KPNA7: variants seen among roughly 807,000 people sequenced by gnomAD.
KPNA7 encodes importin subunit alpha-8.
A neutral mutation model predicts 53.7 loss-of-function variants in KPNA7; 54 were observed. The ratio of observed to expected loss-of-function variants is 1.01; its 90% confidence interval spans 0.81 to 1.26. The LOEUF (loss-of-function observed/expected upper bound fraction) is 1.26, where lower values mean the gene tolerates loss of function less well. Ranked by LOEUF, KPNA7 falls within the 50% of genes most tolerant of loss-of-function variation. The pLI, the probability that KPNA7 is intolerant of heterozygous loss-of-function variation, is 0.00. For synonymous variants in KPNA7, 276 were observed against 259.3 expected (o/e 1.06, Z -0.62); for missense variants, 640 against 644.5 (o/e 0.99, Z 0.07).
downstream of KPNA7, among the ~76,000 whole-genome samples, chr7:99,169,758 G>A (rs1316551107): frequency 1.3e-5 from 2 of 148,806 alleles, no homozygotes; most frequent in Admixed American, 1.3e-4. Flanking sequence ...CTGCAGCTCT[G>A]GGCCAGGCGC....
chr7:99,151,099 T>C, the KPNA7 span, among the ~76,000 whole-genome samples: 1 of 152,150 alleles, frequency 6.6e-6, no homozygotes, highest in African/African-American at 2.4e-5. Flanking sequence ...GCTAGGTAAT[T>C]ATTAGTTACT....
the KPNA7 span, among the ~76,000 whole-genome samples, chr7:99,163,544 A>G: frequency 6.6e-6 from 1 of 150,386 alleles, no homozygotes; most frequent in Non-Finnish European, 1.5e-5. Context: ...CCTCACTACC[A>G]TGCCCAGCTA....
Position 99,188,501 on chromosome 7 carries a change from G to T in KPNA7, c.699C>A (p.Tyr233Ter), listed in dbSNP as rs1305598939. Residue 233 changes from tyrosine to a stop codon, truncating the protein, a stop_gained, in exon 7 of 11, where the codon TAC (tyrosine) becomes TAA (stop). Transcript: ENST00000327442. LOFTEE classifies it high-confidence loss of function. ...LSNLCRNKNPYPCDTAVKQIL... is the reference protein window; with the variant it reads ...LSNLCRNKNP ...TCTGCTTCACCGCAGTGTCGCAAGG[G>T]TATGGGTTCTTGTTTCGGCACAGAT... 5 of 1,551,618 alleles carry T rather than the reference G, an allele frequency of 3.2e-6. No individual in the cohort carries two copies. The highest frequency in any genetic ancestry group is 1.4e-5 in the African/African-American group (1 of 73,030).
the KPNA7 span, among the ~76,000 whole-genome samples, chr7:99,161,119 C>T: frequency 1.3e-5 from 2 of 152,210 alleles, no homozygotes; most frequent in Non-Finnish European, 2.9e-5. Context: ...ACCTCAGCCT[C>T]TCAAAGTTCT....
chr7:99,204,148 G>C (rs1194175331), intron 2 of KPNA7, among the ~76,000 whole-genome samples: 1 of 152,134 alleles, frequency 6.6e-6, no homozygotes, highest in Non-Finnish European at 1.5e-5. Context: ...GGGAGGTCAA[G>C]GTGGGAGGAT....
rs368432520 is a variant in KPNA7, at chr7:99,173,825, C to A, written c.1465-31G>T. 35 of 1,301,358 alleles carry A rather than the reference C, an allele frequency of 2.7e-5. No individual in the cohort carries two copies. The African/African-American group carries it at 4.6e-4, about 17-fold the overall frequency. 80.6% of individuals were successfully genotyped at this position (1,301,358 alleles called of 1,614,324 possible). A position where few individuals can be genotyped will look rare whatever the true frequency, so the allele number is the denominator to read the frequency against. ...GGAGAGAATAGACACTGTTATACCT[C>A]CAGGATTCTCAGCACATTATCACTG... On this transcript the variant is annotated intron_variant, in intron 10 of 10. Transcript: ENST00000327442.
chr7:99,171,421 G>A (rs117193754), downstream of KPNA7, among the ~76,000 whole-genome samples: 48 of 87,268 alleles, frequency 5.5e-4, no homozygotes, highest in East Asian at 1.0e-2. Context: ...CCTGTTTCCT[G>A]GATCCCATGC....
chr7:99,195,105 C>T lies in KPNA7; in HGVS notation c.518G>A (p.Cys173Tyr), dbSNP rs1398296228. The T allele has an allele frequency of 6.4e-7, 1 of 1,551,670 alleles. No individual in the cohort carries two copies. The highest frequency in any genetic ancestry group is 1.2e-5 in the South Asian group (1 of 84,058). ...ELLSSSNVAV[C>Y]EQAVWALGNI... Reference sequence around the variant, plus strand: ...ACCAAGAGCCCACACTGCCTGTTCACACACAGCCACGTTGGAGGAAGACAG... The same window carrying T: ...ACCAAGAGCCCACACTGCCTGTTCATACACAGCCACGTTGGAGGAAGACAG... Residue 173 changes from cysteine to tyrosine, a missense_variant, in exon 5 of 11, where the codon TGT (cysteine) becomes TAT (tyrosine). By Grantham distance (194) the Cys-to-Tyr change is radical (BLOSUM62 -2). Coordinates refer to ENST00000327442, the MANE Select transcript of KPNA7 (RefSeq NM_001145715.3).
chr7:99,150,164 T>C, the KPNA7 span, among the ~76,000 whole-genome samples: 1 of 151,298 alleles, frequency 6.6e-6, no homozygotes, highest in Admixed American at 6.6e-5. Context: ...GGTGCAATCA[T>C]AGTTCAGGGA....
chr7:99,189,645 A>AGGGT (rs1402644629), intron 6 of KPNA7, among the ~76,000 whole-genome samples: 1 of 152,162 alleles, frequency 6.6e-6, no homozygotes, highest in Non-Finnish European at 1.5e-5. Context: ...TTGTTGAGAC[A>AGGGT]GGGTCTCACT....
intron 2 of KPNA7, among the ~76,000 whole-genome samples, chr7:99,206,381 C>T (rs997442412): frequency 1.3e-5 from 2 of 151,998 alleles, no homozygotes; most frequent in Admixed American, 6.6e-5. Flanking sequence ...AGGCTGGTCT[C>T]GAACTCCTGA....
At chr7:99,166,368 T>C in the KPNA7 span, among the ~76,000 whole-genome samples, 1 of 152,164 alleles carries the variant, frequency 6.6e-6, no homozygotes. Flanking sequence ...CAGGCTGCAG[T>C]GCAGTGACGT....
intron 1 of KPNA7, among the ~76,000 whole-genome samples, chr7:99,213,456 A>AAAAAAAAG (rs1472872318): frequency 4.0e-5 from 5 of 126,168 alleles, no homozygotes; most frequent in African/African-American, 1.6e-4. Flanking sequence ...AAAAAAAAAA[A>AAAAAAAAG]AGAGAGAGAG....
intron 6 of KPNA7, among the ~76,000 whole-genome samples, chr7:99,189,254 C>A (rs949088135): frequency 6.6e-6 from 1 of 152,160 alleles, no homozygotes; most frequent in Non-Finnish European, 1.5e-5. Flanking sequence ...AGTCTTCCTA[C>A]TCTGCCTCTG....
Position 99,195,354 on chromosome 7 carries a change from G to A in KPNA7, c.285-16C>T. 6.5e-7 allele frequency: 1 copy of A among 1,548,320 alleles called. No individual in the cohort carries two copies. On this transcript the variant is annotated splice_polypyrimidine_tract_variant and intron_variant, in intron 4 of 10. Coordinates refer to ENST00000327442, the MANE Select transcript of KPNA7 (RefSeq NM_001145715.3). ...TAGCATTTTCCTATGCAATGAAAGA[G>A]AGGGCAGGGGAGGGGGAGGTCAAGT... is the stretch of plus-strand genomic sequence containing the variant.
At chr7:99,215,069 A>T (rs77966628) in intron 1 of KPNA7, among the ~76,000 whole-genome samples, 9,277 of 151,948 alleles carry the variant, frequency 0.061, 320 homozygotes, top group South Asian at 0.16. Context: ...TTCTGCCACA[A>T]CCTGGAAGCC....
At chr7:99,211,870 G>A (rs887683921), upstream of KPNA7, among the ~76,000 whole-genome samples, 5 of 152,138 alleles carry the variant, frequency 3.3e-5, no homozygotes, top group African/African-American at 1.2e-4. Flanking sequence ...TCCTGGAATT[G>A]ACCAATCTCT....
the KPNA7 span, among the ~76,000 whole-genome samples, chr7:99,163,490 G>A: frequency 1.4e-5 from 2 of 142,222 alleles, no homozygotes; most frequent in South Asian, 2.3e-4. Flanking sequence ...CTGGGTTCAA[G>A]TGGCCCTTCT....
chr7:99,187,797 TTTAAAAA>T (rs148483080), intron 7 of KPNA7, among the ~76,000 whole-genome samples: 3,927 of 79,828 alleles, frequency 0.049, 181 homozygotes, highest in African/African-American at 0.077. Context: ...GGCCTTTTTT[TTTAAAAA>T]AAAAAAAAAA....
Sources: allele counts gnomAD v4.1 joint callset (sites outside exome capture counted in the v4.1 genomes callset), GRCh38; gene constraint gnomAD v4.1.1; transcripts MANE v1.5; gene names NCBI Gene and HGNC (gene_info 2026-07-23, HGNC 2026-07-21).